Variants in SEC61A2 observed in about 807,000 individuals in gnomAD.
SEC61A2 encodes SEC61 translocon subunit alpha 2.
Under a neutral mutation model 59.9 loss-of-function variants are expected in SEC61A2, and 28 were observed. That is an observed-to-expected ratio of 0.47 (90% confidence interval 0.35 to 0.64). The LOEUF (loss-of-function observed/expected upper bound fraction) is 0.64, where lower values mean the gene tolerates loss of function less well. Among genes scored for constraint, SEC61A2 ranks in the 30% least tolerant of loss-of-function variants. The probability of loss-of-function intolerance (pLI) is 0.01; values close to 1 mark genes in which losing one functional copy is unlikely to be tolerated. For missense variants in SEC61A2, 340 were observed against 585.9 expected (o/e 0.58, Z 4.33); for synonymous variants, 202 against 214.4 (o/e 0.94, Z 0.50).
At chr10:12,131,468 C>T (rs1259367915) in intron 1 of SEC61A2, among the ~76,000 whole-genome samples, 1 of 152,110 alleles carries the variant, frequency 6.6e-6, no homozygotes, top group East Asian at 1.9e-4. Flanking sequence ...TTGACTTAAG[C>T]CGTGCCAGAA....
Position 12,160,417 on chromosome 10 carries a change from TATAG to T in SEC61A2, c.976-509_976-506del, listed in dbSNP as rs1477254720. Among the ~76,000 whole-genome samples, 3 of 152,232 alleles carry T rather than the reference TATAG, an allele frequency of 2.0e-5. No individual in the cohort carries two copies. The highest frequency in any genetic ancestry group is 7.2e-5 in the African/African-American group (3 of 41,466). ...TTCCTATTTCTGTAAGATTTAAGTA[TATAG>T]ATAAAAATCCAATTATTATATTTAT... is the stretch of plus-strand genomic sequence containing the variant. On this transcript the variant is annotated intron_variant, in intron 9 of 11. Transcript: ENST00000298428. The surrounding 1 kb of genome is among the most constrained non-coding windows in gnomAD (Gnocchi z 4.1).
downstream of SEC61A2, among the ~76,000 whole-genome samples, chr10:12,168,134 C>T (rs1200176879): frequency 1.3e-5 from 2 of 151,818 alleles, no homozygotes; most frequent in African/African-American, 2.4e-5. The surrounding 1 kb of genome is among the most constrained non-coding windows in gnomAD (Gnocchi z 4.8). Context: ...AAGCGATTCT[C>T]CTGCCTCAGC....
rs1834452480 is a variant in SEC61A2, at chr10:12,158,261, G to A, written c.975+156G>A. On this transcript the variant is annotated intron_variant, in intron 9 of 11. Coordinates refer to ENST00000298428, the MANE Select transcript of SEC61A2 (RefSeq NM_018144.4). This position sits in a 1 kb window ranked among gnomAD's most constrained non-coding sequence, Gnocchi z 5.7. ...GTTTAGTACTTATCTGGAAGAACTG[G>A]TAAGTGTTGCAGAAGTAAGATTGCC... 4 of 631,868 alleles carry A rather than the reference G, an allele frequency of 6.3e-6. No homozygotes were observed. Among genetic ancestry groups the A allele is most frequent in the South Asian group, 4.4e-5 (2 of 45,552 alleles). 39.1% of individuals were successfully genotyped at this position (631,868 alleles called of 1,614,324 possible).
At chr10:12,139,542 T>C (rs1199244989) in intron 3 of SEC61A2, among the ~76,000 whole-genome samples, 1 of 151,872 alleles carries the variant, frequency 6.6e-6, no homozygotes, top group Non-Finnish European at 1.5e-5. Flanking sequence ...CCCAGCACTT[T>C]GGGAGGCCAA....
Position 12,161,210 on chromosome 10 carries a change from G to T in SEC61A2, c.1167+89G>T. 9.9e-7 allele frequency: 1 copy of T among 1,014,636 alleles called. No individual in the cohort carries two copies. The allele number at this position is 1,014,636 out of a possible 1,614,324, so 62.9% of individuals were successfully genotyped here. On this transcript the variant is annotated intron_variant, in intron 10 of 11. Transcript: ENST00000298428. This position sits in a 1 kb window ranked among gnomAD's most constrained non-coding sequence, Gnocchi z 5.4. ...CGTAGCACTTTGGCAGGCTGAGGCC[G>T]CTGGATCGCTTCACCTCAGGAGTTT...
chr10:12,143,215 C>A lies in SEC61A2; in HGVS notation c.220+20C>A. ...ATAGAGGTATGCGTGTCTTTTCTGT[C>A]TCCACACTCCTACTCACAGCAAACA... On this transcript the variant is annotated intron_variant, in intron 4 of 11. Coordinates refer to ENST00000298428, the MANE Select transcript of SEC61A2 (RefSeq NM_018144.4). This position sits in a 1 kb window ranked among gnomAD's most constrained non-coding sequence, Gnocchi z 4.8. The A allele has an allele frequency of 6.7e-7, 1 of 1,503,714 alleles. No individual in the cohort carries two copies. The highest frequency in any genetic ancestry group is 9.3e-7 in the Non-Finnish European group (1 of 1,079,470). 93.1% of individuals were successfully genotyped at this position (1,503,714 alleles called of 1,614,324 possible). A position where few individuals can be genotyped will look rare whatever the true frequency, so the allele number is the denominator to read the frequency against.
At chr10:12,168,718 G>T (rs565672955), downstream of SEC61A2, among the ~76,000 whole-genome samples, 109 of 152,234 alleles carry the variant, frequency 7.2e-4, no homozygotes, top group African/African-American at 2.6e-3. The surrounding 1 kb of genome is among the most constrained non-coding windows in gnomAD (Gnocchi z 4.8). Context: ...CAGGTGCTTG[G>T]TAACTGGCAG....
chr10:12,136,103 A>G lies in SEC61A2; in HGVS notation c.76-2A>G. 6.2e-7 allele frequency: 1 copy of G among 1,601,118 alleles called. No homozygotes were observed. The highest frequency in any genetic ancestry group is 8.6e-7 in the Non-Finnish European group (1 of 1,168,326). ...GATGATTCTTTACATTTTGTTGTAC[A>G]GATCCAGTTTAGAGAGAAGGTTCTG... On this transcript the variant is annotated splice_acceptor_variant, in intron 2 of 11. Transcript: ENST00000298428. LOFTEE classifies it high-confidence loss of function.
In SEC61A2 at chr10:12,142,430, C is replaced by G. The variant is rs1391837484; in HGVS notation, c.142-687C>G. The G allele has an allele frequency of 1.9e-6, 1 of 537,236 alleles. No homozygotes were observed. Among genetic ancestry groups the G allele is most frequent in the African/African-American group, 2.1e-5 (1 of 48,502 alleles). The allele number at this position is 537,236 out of a possible 1,614,324, so 33.3% of individuals were successfully genotyped here. On this transcript the variant is annotated intron_variant, in intron 3 of 11. Coordinates refer to ENST00000298428, the MANE Select transcript of SEC61A2 (RefSeq NM_018144.4). The surrounding 1 kb of genome is among the most constrained non-coding windows in gnomAD (Gnocchi z 5.4). ...CATAAGTACTTCTTCCATGTTATTA[C>G]AGATTGAGTAAGCATAATTTTTAGT...
At position 12,149,665 on chromosome 10, in the gene SEC61A2, C is replaced by G. The variant is rs1564412217; in HGVS notation, c.291C>G (p.Ala97=). ...TGATTATGCAGTTGTTAGCTGGAGC[C>G]AAAATCATTGAAGTTGGAGATACAC... ...SGLIMQLLAG[A]KIIEVGDTPK... is the part of the protein sequence containing the mutation. The change falls in exon 5 of 12, where the codon GCC becomes GCG. Residue 97 remains alanine (A), a synonymous_variant. Coordinates refer to ENST00000298428, the MANE Select transcript of SEC61A2 (RefSeq NM_018144.4). The surrounding 1 kb of genome is among the most constrained non-coding windows in gnomAD (Gnocchi z 5.2). 6.2e-7 allele frequency: 1 copy of G among 1,613,864 alleles called. No homozygotes were observed. The highest frequency in any genetic ancestry group is 1.7e-5 in the Admixed American group (1 of 59,944).
rs149645024 is a variant in SEC61A2 at position 12,150,978 on chromosome 10, T to C, written c.462+1017T>C. Reference sequence around the variant, plus strand: ...TTTAATAGAGACGGGGGTTTCACCATGTTGGCCAGGCTGGTGTTGAACTCC... The same window carrying C: ...TTTAATAGAGACGGGGGTTTCACCACGTTGGCCAGGCTGGTGTTGAACTCC... On this transcript the variant is annotated intron_variant, in intron 6 of 11. Transcript: ENST00000298428. Among the ~76,000 whole-genome samples the C allele has an allele frequency of 6.9e-3, 1,052 of 152,198 alleles. 18 individuals carry two copies. The highest frequency in any genetic ancestry group is 0.024 in the African/African-American group (985 of 41,490).
chr10:12,158,707 G>T lies in SEC61A2; in HGVS notation c.975+602G>T, dbSNP rs1488426376. On this transcript the variant is annotated intron_variant, in intron 9 of 11. Coordinates refer to ENST00000298428, the MANE Select transcript of SEC61A2 (RefSeq NM_018144.4). This position sits in a 1 kb window ranked among gnomAD's most constrained non-coding sequence, Gnocchi z 5.7. ...ATCACGCCACTGCACTCCAGCCTGG[G>T]CGACAGAACGAGACTCCGTCTCCAA... 6.6e-6 allele frequency among the ~76,000 whole-genome samples: 1 copy of T among 152,080 alleles called. No individual in the cohort carries two copies. The highest frequency in any genetic ancestry group is 6.6e-5 in the Admixed American group (1 of 15,266).
intron 6 of SEC61A2, among the ~76,000 whole-genome samples, chr10:12,150,710 T>G (rs183550290): frequency 6.6e-6 from 1 of 152,170 alleles, no homozygotes; most frequent in Non-Finnish European, 1.5e-5. Flanking sequence ...ATTCCATGGG[T>G]TTTTTAAATG....
chr10:12,140,688 C>T (rs1042958868), intron 3 of SEC61A2, among the ~76,000 whole-genome samples: 11 of 152,124 alleles, frequency 7.2e-5, no homozygotes, highest in Non-Finnish European at 1.3e-4. Context: ...CTCCGCCTCC[C>T]GGATTCAAGC....
downstream of SEC61A2, chr10:12,167,186 C>T (rs1834720895): frequency 6.3e-6 from 1 of 158,872 alleles, no homozygotes; most frequent in Admixed American, 6.0e-5. Context: ...CGAACCCTAC[C>T]CTAGTTGGAT....
At position 12,149,047 on chromosome 10, in the gene SEC61A2, C is replaced by T. The variant is rs529906578; in HGVS notation, c.221-548C>T. ...TACTTGATTCCATACCTTCCTTATA[C>T]AGTTGGCATATTTGATTTTCTTATT... On this transcript the variant is annotated intron_variant, in intron 4 of 11. Coordinates refer to ENST00000298428, the MANE Select transcript of SEC61A2 (RefSeq NM_018144.4). The surrounding 1 kb of genome is among the most constrained non-coding windows in gnomAD (Gnocchi z 5.2). 2.0e-5 allele frequency among the ~76,000 whole-genome samples: 3 copies of T among 152,178 alleles called. No individual in the cohort carries two copies. The highest frequency in any genetic ancestry group is 4.1e-4 in the South Asian group (2 of 4,820).
intron 4 of SEC61A2, among the ~76,000 whole-genome samples, chr10:12,148,226 A>G (rs1041102073): frequency 7.0e-6 from 1 of 143,338 alleles, no homozygotes; most frequent in East Asian, 2.0e-4. Flanking sequence ...GGCGTGAGCC[A>G]CCATGCCCGG....
In SEC61A2 at chr10:12,155,373, C is replaced by T. The variant is rs1335960716; in HGVS notation, c.463-405C>T. On this transcript the variant is annotated intron_variant, in intron 6 of 11. Transcript: ENST00000298428. The surrounding 1 kb of genome is among the most constrained non-coding windows in gnomAD (Gnocchi z 4.3). ...TGTACATTTCCATCTTGCTATTATA[C>T]CAGAATTCATCTGACTTTTTACTTC... The T allele has an allele frequency of 3.8e-6, 6 of 1,559,414 alleles. No homozygotes were observed. The highest frequency in any genetic ancestry group is 4.3e-6 in the Non-Finnish European group (5 of 1,154,960).
chr10:12,163,511 G>A (rs1834582133), intron 11 of SEC61A2, among the ~76,000 whole-genome samples: 1 of 151,762 alleles, frequency 6.6e-6, no homozygotes, highest in Non-Finnish European at 1.5e-5. Flanking sequence ...TTTTAGTAGA[G>A]ATGGGTTTCC....
Sources: gnomAD v4.1 joint callset for allele counts (sites outside exome capture counted in the v4.1 genomes callset) on GRCh38, gnomAD v4.1.1 for gene constraint, Gnocchi (gnomAD v3.1) non-coding constraint, MANE v1.5 for transcripts, NCBI Gene and HGNC (gene_info 2026-07-23, HGNC 2026-07-21) for gene names.